KANK4: variants seen among roughly 807,000 people sequenced by gnomAD.
KANK4 encodes the protein KN motif and ankyrin repeat domain-containing protein 4.
KANK4 carries 50 observed loss-of-function variants against 80.8 expected under a neutral mutation model. The ratio of observed to expected loss-of-function variants is 0.62; its 90% CI spans 0.49 to 0.78. The LOEUF (loss-of-function observed/expected upper bound fraction) is 0.78. Ranked by LOEUF, KANK4 falls within the 30% of genes least tolerant of loss-of-function variation. KANK4 has a pLI of 0.00. For missense variants in KANK4, 1,196 were observed against 1,240.1 expected (o/e 0.96, Z 0.53); for synonymous variants, 465 against 506.9 (o/e 0.92, Z 1.11).
At position 62,253,052 on chromosome 1, in the gene KANK4, G is replaced by C. The variant is rs774327899; in HGVS notation, c.2682+15C>G. The stretch of plus-strand genomic sequence containing the variant: ...CTGCATTTACTGAAGAGGAGATCCT[G>C]TTCATTCCACCCACCTGAGTAGCTT... On this transcript the variant is annotated intron_variant, in intron 8 of 9. Coordinates refer to ENST00000371153, the MANE Select transcript of KANK4 (RefSeq NM_181712.5). 4 of 1,612,736 alleles carry C rather than the reference G, an allele frequency of 2.5e-6. No individual in the cohort carries two copies. The highest frequency in any genetic ancestry group is 3.4e-6 in the Non-Finnish European group (4 of 1,179,428).
Position 62,278,397 on chromosome 1 carries a change from C to CT in KANK4, c.16+3151dup, listed in dbSNP as rs199777200. Among the ~76,000 whole-genome samples, 8 of 29,236 alleles carry CT rather than the reference C, an allele frequency of 2.7e-4. 3 individuals are homozygous for CT. Among genetic ancestry groups the CT allele is most frequent in the South Asian group, 2.4e-3 (2 of 822 alleles). 19.2% of individuals were successfully genotyped at this position (29,236 alleles called of 152,430 possible). On this transcript the variant is annotated intron_variant, in intron 2 of 9. Coordinates refer to ENST00000371153, the MANE Select transcript of KANK4 (RefSeq NM_181712.5). ...CCTTCCTTTCTTTCTTTCTTTCTTTCTTTTTTTTTTTTGAGATGGAATTTC... is the reference window on the plus strand; with the variant it reads ...CCTTCCTTTCTTTCTTTCTTTCTTTCTTTTTTTTTTTTTGAGATGGAATTTC...
chr1:62,270,367 A>T (rs1341124861), intron 4 of KANK4, among the ~76,000 whole-genome samples: 1 of 147,770 alleles, frequency 6.8e-6, no homozygotes, highest in Non-Finnish European at 1.5e-5. Flanking sequence ...CCAGTTCATC[A>T]TTTTTTTTCT....
intron 1 of KANK4, chr1:62,298,349 T>C (rs1420546497): frequency 2.0e-5 from 3 of 152,226 alleles, no homozygotes; most frequent in African/African-American, 4.8e-5. Context: ...TTAAAAATCT[T>C]TGGTAAACTG....
rs111413521 is a variant in KANK4, at chr1:62,273,554, C to T, written c.1550G>A (p.Arg517Lys). 3,494 of 1,613,770 alleles carry T rather than the reference C, an allele frequency of 2.2e-3. 70 individuals carry two copies. The African/African-American group carries it at 0.041, about 19-fold the overall frequency. Reference sequence around the variant, plus strand: ...GCCCCACAGAAAGCCTCCTGCTCCCCTGGTTCCTCCCTGAGGGCCTCCTTC... The same window carrying T: ...GCCCCACAGAAAGCCTCCTGCTCCCTTGGTTCCTCCCTGAGGGCCTCCTTC... Reference protein sequence around the residue: ...EQEGGPQGGTRGAGGFLWGSD... With the variant: ...EQEGGPQGGTKGAGGFLWGSD... Residue 517 changes from arginine (R) to lysine (K), a missense_variant, in exon 3 of 10, where the codon AGG (arginine) becomes AAG (lysine). This residue lies in a region of KANK4 where 1,154 missense variants were observed against 1,179.6 expected (regional missense o/e 0.98). Transcript: ENST00000371153.
At position 62,237,984 on chromosome 1, in the gene KANK4, G is replaced by C. The variant is rs1026372904; in HGVS notation, c.*293C>G. Reference sequence around the variant, plus strand: ...ACAATGTTACAGAGGGTAGAGTCATGAGGAATTCAAGGCTGAAGATGTTTT... The same window carrying C: ...ACAATGTTACAGAGGGTAGAGTCATCAGGAATTCAAGGCTGAAGATGTTTT... On this transcript the variant is annotated 3_prime_UTR_variant, in exon 10 of 10. Coordinates refer to ENST00000371153, the MANE Select transcript of KANK4 (RefSeq NM_181712.5). 3.1e-6 allele frequency: 1 copy of C among 324,888 alleles called. No individual in the cohort carries two copies. The highest frequency in any genetic ancestry group is 5.8e-6 in the Non-Finnish European group (1 of 173,694). 20.1% of individuals were successfully genotyped at this position (324,888 alleles called of 1,614,324 possible).
intron 9 of KANK4, among the ~76,000 whole-genome samples, chr1:62,238,820 G>A (rs1671271915): frequency 6.6e-6 from 1 of 152,028 alleles, no homozygotes. Context: ...TGTAGAGACG[G>A]GGTGTCACCA....
intron 8 of KANK4, 133 bp downstream of exon 8, chr1:62,252,934 G>T: frequency 1.9e-6 from 2 of 1,071,106 alleles, no homozygotes; most frequent in Non-Finnish European, 2.7e-6. Flanking sequence ...TTTGCCTGAT[G>T]CCATTTGGAG....
At position 62,273,666 on chromosome 1, in the gene KANK4, G is replaced by A; in HGVS notation, c.1438C>T (p.Pro480Ser). 1 of 1,614,088 alleles carries A rather than the reference G, an allele frequency of 6.2e-7. No homozygotes were observed. The highest frequency in any genetic ancestry group is 1.1e-5 in the South Asian group (1 of 91,072). Residue 480 changes from proline to serine, a missense_variant, in exon 3 of 10, where the codon CCA (proline) becomes TCA (serine). By Grantham distance (74) the Pro-to-Ser change is moderately conservative. Coordinates refer to ENST00000371153, the MANE Select transcript of KANK4 (RefSeq NM_181712.5). ...ERVLLPQLSL[P>S]QGPEQVLTSS... ...GTAAGGACCTGCTCGGGTCCCTGTG[G>A]CAGTGACAGCTGGGGCAGAAGCACA...
intron 1 of KANK4, among the ~76,000 whole-genome samples, chr1:62,303,265 A>G (rs1644426748): frequency 6.6e-6 from 1 of 152,030 alleles, no homozygotes; most frequent in African/African-American, 2.4e-5. Flanking sequence ...GAGAAATGGG[A>G]CAGTAAAGTT....
chr1:62,301,830 C>A (rs1001370848), intron 1 of KANK4, among the ~76,000 whole-genome samples: 3 of 151,990 alleles, frequency 2.0e-5, no homozygotes, highest in Admixed American at 2.0e-4. Flanking sequence ...GCACTTGGCA[C>A]CTAACAGCTG....
intron 8 of KANK4, among the ~76,000 whole-genome samples, chr1:62,248,125 C>A (rs762724181): frequency 6.6e-6 from 1 of 152,154 alleles, no homozygotes; most frequent in African/African-American, 2.4e-5. Flanking sequence ...CCCCAGGAAG[C>A]CTTCTCTGCT....
intron 6 of KANK4, 29 bp from the exon 7 acceptor site, chr1:62,263,340 G>A (rs1290783608): frequency 1.9e-6 from 3 of 1,585,260 alleles, no homozygotes; most frequent in Middle Eastern, 1.7e-4. Flanking sequence ...CCAATTCCAA[G>A]AGGTTCCCCG....
intron 1 of KANK4, among the ~76,000 whole-genome samples, chr1:62,307,659 T>C (rs1644463828): frequency 1.3e-5 from 2 of 152,158 alleles, no homozygotes. Context: ...ACAAGCCAGT[T>C]GGCTGTGGGA....
intron 1 of KANK4, among the ~76,000 whole-genome samples, chr1:62,302,243 G>A (rs993233470): frequency 2.6e-5 from 4 of 151,972 alleles, no homozygotes; most frequent in African/African-American, 9.7e-5. Flanking sequence ...GGAGGGACAA[G>A]GTGAGCTCTG....
At chr1:62,278,061 T>C (rs1672350344) in intron 2 of KANK4, among the ~76,000 whole-genome samples, 1 of 152,214 alleles carries the variant, frequency 6.6e-6, no homozygotes, top group Non-Finnish European at 1.5e-5. Context: ...GAGCAACTTG[T>C]ATGCACGCGA....
intron 1 of KANK4, among the ~76,000 whole-genome samples, chr1:62,317,003 G>C (rs1395268063): frequency 6.6e-6 from 1 of 152,200 alleles, no homozygotes; most frequent in East Asian, 1.9e-4. Flanking sequence ...CATTCACTGG[G>C]TGGGCAAGAA....
chr1:62,300,996 G>A (rs1260293889), intron 1 of KANK4, among the ~76,000 whole-genome samples: 1 of 151,966 alleles, frequency 6.6e-6, no homozygotes, highest in Admixed American at 6.6e-5. Flanking sequence ...TGAAATTGCA[G>A]GCATAATTAC....
chr1:62,302,171 G>T (rs759357053), intron 1 of KANK4, among the ~76,000 whole-genome samples: 1 of 152,084 alleles, frequency 6.6e-6, no homozygotes, highest in African/African-American at 2.4e-5. Context: ...TGAAGCAGCA[G>T]ATGGGCTACG....
intron 1 of KANK4, among the ~76,000 whole-genome samples, chr1:62,294,905 G>A (rs372934332): frequency 2.2e-4 from 33 of 152,360 alleles, no homozygotes; most frequent in African/African-American, 7.7e-4. Context: ...TCCCTTGAAA[G>A]AGATGGGATT....
Sources: gnomAD v4.1 joint callset for allele counts (sites outside exome capture counted in the v4.1 genomes callset) on GRCh38, gnomAD v4.1.1 for gene constraint, gnomAD v4.1.1 regional missense constraint, MANE v1.5 for transcripts, NCBI Gene and HGNC (gene_info 2026-07-23, HGNC 2026-07-21) for gene names.